Variants in FZD1 observed in about 807,000 individuals in gnomAD.
The protein encoded by FZD1 is frizzled class receptor 1.
Under a neutral mutation model 48.0 loss-of-function variants are expected in FZD1, and 22 were observed. The observed-to-expected ratio is 0.46, with a 90% CI of 0.33 to 0.65. The LOEUF (loss-of-function observed/expected upper bound fraction) is 0.65. Among genes scored for constraint, FZD1 ranks in the 30% least tolerant of loss-of-function variants. The pLI is 0.02. For synonymous variants in FZD1, 486 were observed against 409.6 expected (o/e 1.19, Z -2.25); for missense variants, 843 against 898.1 (o/e 0.94, Z 0.78).
chr7:91,265,832 T>G lies in FZD1; in HGVS notation c.952T>G (p.Phe318Val). 6.2e-7 allele frequency: 1 copy of G among 1,613,878 alleles called. No individual in the cohort carries two copies. The highest frequency in any genetic ancestry group is 8.5e-7 in the Non-Finnish European group (1 of 1,179,776). Residue 318 changes from phenylalanine to valine, a missense_variant, in exon 1 of 1, where the codon TTC becomes GTC. Around this residue, in one of 2 missense-constraint regions of FZD1, gnomAD observed 490 missense variants for 466.5 expected, o/e 1.05. Coordinates refer to ENST00000287934, the MANE Select transcript of FZD1 (RefSeq NM_003505.2). This position sits in a 1 kb window ranked among gnomAD's most constrained non-coding sequence, Gnocchi z 6.9. Reference sequence around the variant, plus strand: ...GTACTTCGGGCCCGAGGAGCTGCGCTTCTCGCGCACCTGGATTGGCATTTG... The same window carrying G: ...GTACTTCGGGCCCGAGGAGCTGCGCGTCTCGCGCACCTGGATTGGCATTTG... ...LMYFGPEELR[F>V]SRTWIGIWSV...
At position 91,265,689 on chromosome 7, in the gene FZD1, A is replaced by T. The variant is rs1803866558; in HGVS notation, c.809A>T (p.Glu270Val). Residue 270 changes from glutamate (E) to valine (V), a missense_variant, in exon 1 of 1, where the codon GAG becomes GTG. By Grantham distance (121) the Glu-to-Val change is moderately radical. Around this residue, in one of 2 missense-constraint regions of FZD1, gnomAD observed 490 missense variants for 466.5 expected, o/e 1.05. Coordinates refer to ENST00000287934, the MANE Select transcript of FZD1 (RefSeq NM_003505.2). The surrounding 1 kb of genome is among the most constrained non-coding windows in gnomAD (Gnocchi z 6.9). ...TTCCCGGGGGGCGCCGGCGCGTCGG[A>T]GCGAGGCAAGTTCTCCTGCCCGCGC... ...GGFPGGAGAS[E>V]RGKFSCPRAL... 6.3e-7 allele frequency: 1 copy of T among 1,587,984 alleles called. No individual in the cohort carries two copies. The highest frequency in any genetic ancestry group is 1.3e-5 in the African/African-American group (1 of 74,254).
rs1482927479 is a variant in FZD1, at chr7:91,268,187, C to T, written c.*1363C>T. On this transcript the variant is annotated 3_prime_UTR_variant, in exon 1 of 1. Transcript: ENST00000287934. ...TTAAAATGTAAAAGTTGTACACTTT[C>T]AACATTTTATTACGATTATTATTCA... The T allele has an allele frequency of 6.0e-6, 1 of 166,918 alleles. No individual in the cohort carries two copies. Among genetic ancestry groups the T allele is most frequent in the Non-Finnish European group, 1.5e-5 (1 of 68,106 alleles). The allele number at this position is 166,918 out of a possible 1,614,324, so 10.3% of individuals were successfully genotyped here.
At position 91,265,174 on chromosome 7, in the gene FZD1, C is replaced by G. The variant is rs1367499438; in HGVS notation, c.294C>G (p.Ser98Arg). 1 of 1,611,312 alleles carries G rather than the reference C, an allele frequency of 6.2e-7. No homozygotes were observed. The highest frequency in any genetic ancestry group is 2.2e-5 in the East Asian group (1 of 44,830). ...CGCCGCCGCCTCAGCAGCAACAGAG[C>G]GGGCAGCAGTACAACGGCGAGCGGG... is the stretch of plus-strand genomic sequence containing the variant. ...QPPPPPQQQQ[S>R]GQQYNGERGI... The change falls in exon 1 of 1, where the codon AGC becomes AGG. Residue 98 changes from serine (S) to arginine (R), a missense_variant. By Grantham distance (110) the Ser-to-Arg change is moderately radical. This residue lies in a region of FZD1 where 490 missense variants were observed against 466.5 expected (regional missense o/e 1.05). Coordinates refer to ENST00000287934, the MANE Select transcript of FZD1 (RefSeq NM_003505.2). This position sits in a 1 kb window ranked among gnomAD's most constrained non-coding sequence, Gnocchi z 6.9.
Position 91,266,581 on chromosome 7 carries a change from C to G in FZD1, c.1701C>G (p.Arg567=). 6.2e-7 allele frequency: 1 copy of G among 1,613,670 alleles called. No individual in the cohort carries two copies. Among genetic ancestry groups the G allele is most frequent in the Non-Finnish European group, 8.5e-7 (1 of 1,180,006 alleles). ...YEQAFRDQWE[R]SWVAQSCKSY... ...AGGCCTTCCGGGACCAGTGGGAACG[C>G]AGCTGGGTGGCCCAGAGCTGCAAGA... The change falls in exon 1 of 1, where the codon CGC becomes CGG. Residue 567 remains arginine (R), a synonymous_variant. Transcript: ENST00000287934. This position sits in a 1 kb window ranked among gnomAD's most constrained non-coding sequence, Gnocchi z 6.8.
chr7:91,267,956 G>C lies in FZD1; in HGVS notation c.*1132G>C, dbSNP rs1303497907. The C allele has an allele frequency of 6.0e-6, 1 of 167,000 alleles. No individual in the cohort carries two copies. Among genetic ancestry groups the C allele is most frequent in the Admixed American group, 6.5e-5 (1 of 15,274 alleles). The allele number at this position is 167,000 out of a possible 1,614,324, so 10.3% of individuals were successfully genotyped here. ...TGCCTTTGAGAATGAGACAGCCTGC[G>C]CTTAGATTTTACCGGTCTGTAAAAT... is the stretch of plus-strand genomic sequence containing the variant. On this transcript the variant is annotated 3_prime_UTR_variant, in exon 1 of 1. Transcript: ENST00000287934.
In FZD1 at chr7:91,266,003, C is replaced by A. The variant is rs755402187; in HGVS notation, c.1123C>A (p.Leu375Met). 1.9e-6 allele frequency: 3 copies of A among 1,614,180 alleles called. No homozygotes were observed. In the South Asian group the frequency reaches 3.3e-5, roughly 18 times the overall value. Residue 375 changes from leucine (L) to methionine (M), a missense_variant, in exon 1 of 1, where the codon CTG becomes ATG. Physicochemically the swap from Leu to Met is conservative, Grantham distance 15. Transcript: ENST00000287934. This position sits in a 1 kb window ranked among gnomAD's most constrained non-coding sequence, Gnocchi z 6.8. ...CGTGGCCTACATCGCCGGCTTCCTC[C>A]TGGAAGACCGAGTGGTGTGTAATGA... The part of the protein sequence containing the change: ...VAVAYIAGFL[L>M]EDRVVCNDKF...
chr7:91,265,995 G>A lies in FZD1; in HGVS notation c.1115G>A (p.Gly372Asp). ...YTAVAVAYIAGFLLEDRVVCN... is the reference protein window; with the variant it reads ...YTAVAVAYIADFLLEDRVVCN... ...GCCGTGGCCGTGGCCTACATCGCCGGCTTCCTCCTGGAAGACCGAGTGGTG... is the reference window on the plus strand; with the variant it reads ...GCCGTGGCCGTGGCCTACATCGCCGACTTCCTCCTGGAAGACCGAGTGGTG... Residue 372 changes from glycine (G) to aspartate (D), a missense_variant, in exon 1 of 1, where the codon GGC becomes GAC. Physicochemically the swap from Gly to Asp is moderately conservative, Grantham distance 94. Around this residue, in one of 2 missense-constraint regions of FZD1, gnomAD observed 353 missense variants for 431.6 expected, o/e 0.82. Coordinates refer to ENST00000287934, the MANE Select transcript of FZD1 (RefSeq NM_003505.2). The surrounding 1 kb of genome is among the most constrained non-coding windows in gnomAD (Gnocchi z 6.9). The A allele has an allele frequency of 6.2e-7, 1 of 1,614,170 alleles. No individual in the cohort carries two copies. The highest frequency in any genetic ancestry group is 8.5e-7 in the Non-Finnish European group (1 of 1,180,032).
Position 91,265,276 on chromosome 7 carries a change from C to T in FZD1, c.396C>T (p.Thr132=). ...PLCTDIAYNQ[T]IMPNLLGHTN... ...GCACGGACATCGCGTACAACCAGAC[C>T]ATCATGCCCAACCTGCTGGGCCACA... Residue 132 remains threonine, a synonymous_variant, in exon 1 of 1, where the codon ACC becomes ACT. Transcript: ENST00000287934. This position sits in a 1 kb window ranked among gnomAD's most constrained non-coding sequence, Gnocchi z 6.9. The T allele has an allele frequency of 6.2e-7, 1 of 1,614,154 alleles. No homozygotes were observed. Among genetic ancestry groups the T allele is most frequent in the Non-Finnish European group, 8.5e-7 (1 of 1,179,986 alleles).
In FZD1 at chr7:91,269,908, G is replaced by A. The variant is rs1803944912; in HGVS notation, c.*3084G>A. Reference sequence around the variant, plus strand: ...TTATTGGAGGTGTCCTTAACATGATGTAACTATAAATTTGATGCAGAAAGG... The same window carrying A: ...TTATTGGAGGTGTCCTTAACATGATATAACTATAAATTTGATGCAGAAAGG... On this transcript the variant is annotated 3_prime_UTR_variant, in exon 1 of 1. Transcript: ENST00000287934. 1.2e-5 allele frequency: 2 copies of A among 167,020 alleles called. No individual in the cohort carries two copies. The highest frequency in any genetic ancestry group is 6.5e-5 in the Admixed American group (1 of 15,280). 10.3% of individuals were successfully genotyped at this position (167,020 alleles called of 1,614,324 possible).
Position 91,266,152 on chromosome 7 carries a change from G to T in FZD1, c.1272G>T (p.Ser424=). ...MASSIWWVIL[S]LTWFLAAGMK... ...GCTCCATCTGGTGGGTGATCCTGTC[G>T]CTCACCTGGTTCCTGGCGGCTGGCA... Residue 424 remains serine, a synonymous_variant, in exon 1 of 1, where the codon TCG becomes TCT. Coordinates refer to ENST00000287934, the MANE Select transcript of FZD1 (RefSeq NM_003505.2). This position sits in a 1 kb window ranked among gnomAD's most constrained non-coding sequence, Gnocchi z 6.8. The T allele has an allele frequency of 6.2e-7, 1 of 1,614,168 alleles. No individual in the cohort carries two copies. Among genetic ancestry groups the T allele is most frequent in the Admixed American group, 1.7e-5 (1 of 60,036 alleles).
rs1405447831 is a variant in FZD1, at chr7:91,264,826, G to A, written c.-55G>A. ...CCTGGCCGCAGGGGGAGCCGCCGCC[G>A]GCCGTGCCCCTGGCAGCCCCAGCGG... On this transcript the variant is annotated 5_prime_UTR_variant, in exon 1 of 1. Transcript: ENST00000287934. 1.5e-5 allele frequency: 18 copies of A among 1,232,180 alleles called. No individual in the cohort carries two copies. Among genetic ancestry groups the A allele is most frequent in the Non-Finnish European group, 1.7e-5 (17 of 979,234 alleles). 76.3% of individuals were successfully genotyped at this position (1,232,180 alleles called of 1,614,324 possible).
chr7:91,267,062 A>G lies in FZD1; in HGVS notation c.*238A>G, dbSNP rs1584244748. 2 of 455,256 alleles carry G rather than the reference A, an allele frequency of 4.4e-6. No individual in the cohort carries two copies. Among genetic ancestry groups the G allele is most frequent in the East Asian group, 6.9e-5 (2 of 28,874 alleles). 28.2% of individuals were successfully genotyped at this position (455,256 alleles called of 1,614,324 possible). ...AGACCTCTTGCCCTCACACTCTGGT[A>G]CCAGGACTGTTCGCTTTTATGATTG... On this transcript the variant is annotated 3_prime_UTR_variant, in exon 1 of 1. Coordinates refer to ENST00000287934, the MANE Select transcript of FZD1 (RefSeq NM_003505.2).
In FZD1 at chr7:91,271,015, G is replaced by C. The variant is rs1196037912; in HGVS notation, c.*4191G>C. 6.0e-6 allele frequency: 1 copy of C among 166,922 alleles called. No individual in the cohort carries two copies. The highest frequency in any genetic ancestry group is 1.5e-5 in the Non-Finnish European group (1 of 68,106). The allele number at this position is 166,922 out of a possible 1,614,324, so 10.3% of individuals were successfully genotyped here. A position where few individuals can be genotyped will look rare whatever the true frequency, so the allele number is the denominator to read the frequency against. ...ATTGCAATACTATCTTAAATTGAAG[G>C]CTTTTATTTCAATGTCCTTACATTT... On this transcript the variant is annotated 3_prime_UTR_variant, in exon 1 of 1. Transcript: ENST00000287934.
Position 91,265,402 on chromosome 7 carries a change from G to T in FZD1, c.522G>T (p.Ala174=). The T allele has an allele frequency of 6.2e-7, 1 of 1,613,874 alleles. No individual in the cohort carries two copies. Among genetic ancestry groups the T allele is most frequent in the Non-Finnish European group, 8.5e-7 (1 of 1,179,934 alleles). The part of the protein sequence containing the change: ...ELKFFLCSMY[A]PVCTVLEQAL... ...AGTTCTTCCTGTGCTCCATGTACGC[G>T]CCCGTGTGCACCGTGCTAGAGCAGG... The change falls in exon 1 of 1, where the codon GCG becomes GCT. Residue 174 remains alanine, a synonymous_variant. Coordinates refer to ENST00000287934, the MANE Select transcript of FZD1 (RefSeq NM_003505.2). This position sits in a 1 kb window ranked among gnomAD's most constrained non-coding sequence, Gnocchi z 6.9.
rs2115569196 is a variant in FZD1, at chr7:91,270,386, G to A, written c.*3562G>A. On this transcript the variant is annotated 3_prime_UTR_variant, in exon 1 of 1. Coordinates refer to ENST00000287934, the MANE Select transcript of FZD1 (RefSeq NM_003505.2). ...GTGTCAAACACGTGCAAAAGAGCCGGGCCGGATTTTTTCAGCTTGTCCTAT... is the reference window on the plus strand; with the variant it reads ...GTGTCAAACACGTGCAAAAGAGCCGAGCCGGATTTTTTCAGCTTGTCCTAT... The A allele has an allele frequency of 6.0e-6, 1 of 167,110 alleles. No individual in the cohort carries two copies. The highest frequency in any genetic ancestry group is 1.9e-4 in the East Asian group (1 of 5,186). 10.4% of individuals were successfully genotyped at this position (167,110 alleles called of 1,614,324 possible).
In FZD1 at chr7:91,265,222, C is replaced by A. The variant is rs756113937; in HGVS notation, c.342C>A (p.Gly114=). Reference sequence around the variant, plus strand: ...GGGGCATCTCCGTCCCGGACCACGGCTATTGCCAGCCCATCTCCATCCCGC... The same window carrying A: ...GGGGCATCTCCGTCCCGGACCACGGATATTGCCAGCCCATCTCCATCCCGC... ...GERGISVPDH[G]YCQPISIPLC... is the part of the protein sequence containing the mutation. Residue 114 remains glycine, a synonymous_variant, in exon 1 of 1, where the codon GGC becomes GGA. Coordinates refer to ENST00000287934, the MANE Select transcript of FZD1 (RefSeq NM_003505.2). This position sits in a 1 kb window ranked among gnomAD's most constrained non-coding sequence, Gnocchi z 6.9. The A allele has an allele frequency of 6.2e-7, 1 of 1,614,042 alleles. No individual in the cohort carries two copies. The highest frequency in any genetic ancestry group is 8.5e-7 in the Non-Finnish European group (1 of 1,179,954).
chr7:91,266,606 A>C lies in FZD1; in HGVS notation c.1726A>C (p.Ser576Arg). The C allele has an allele frequency of 6.2e-7, 1 of 1,613,408 alleles. No individual in the cohort carries two copies. Among genetic ancestry groups the C allele is most frequent in the Non-Finnish European group, 8.5e-7 (1 of 1,179,984 alleles). The change falls in exon 1 of 1, where the codon AGC becomes CGC. Residue 576 changes from serine to arginine, a missense_variant. Physicochemically the swap from Ser to Arg is moderately radical, Grantham distance 110 (BLOSUM62 -1). This residue lies in a region of FZD1 where 353 missense variants were observed against 431.6 expected (regional missense o/e 0.82). Transcript: ENST00000287934. The surrounding 1 kb of genome is among the most constrained non-coding windows in gnomAD (Gnocchi z 6.8). ...CAGCTGGGTGGCCCAGAGCTGCAAG[A>C]GCTACGCTATCCCCTGCCCTCACCT... The part of the protein sequence containing the change: ...ERSWVAQSCK[S>R]YAIPCPHLQA...
chr7:91,268,210 T>A lies in FZD1; in HGVS notation c.*1386T>A, dbSNP rs1159103350. 1 of 167,002 alleles carries A rather than the reference T, an allele frequency of 6.0e-6. No homozygotes were observed. The highest frequency in any genetic ancestry group is 1.5e-5 in the Non-Finnish European group (1 of 68,130). 10.3% of individuals were successfully genotyped at this position (167,002 alleles called of 1,614,324 possible). On this transcript the variant is annotated 3_prime_UTR_variant, in exon 1 of 1. Transcript: ENST00000287934. Reference sequence around the variant, plus strand: ...TTCAACATTTTATTACGATTATTATTCAGCAGCACATTCTGAGGGGGGAAC... The same window carrying A: ...TTCAACATTTTATTACGATTATTATACAGCAGCACATTCTGAGGGGGGAAC...
At position 91,265,342 on chromosome 7, in the gene FZD1, C is replaced by T; in HGVS notation, c.462C>T (p.Tyr154=). The change falls in exon 1 of 1, where the codon TAC becomes TAT. Residue 154 remains tyrosine, a synonymous_variant. Transcript: ENST00000287934. The surrounding 1 kb of genome is among the most constrained non-coding windows in gnomAD (Gnocchi z 6.9). The stretch of plus-strand genomic sequence containing the variant: ...CGGGCCTGGAGGTGCACCAGTTCTA[C>T]CCTCTAGTGAAAGTGCAGTGTTCCG... ...EDAGLEVHQF[Y]PLVKVQCSAE... The T allele has an allele frequency of 6.2e-7, 1 of 1,614,120 alleles. No homozygotes were observed.
Sources: allele counts gnomAD v4.1 joint callset, GRCh38; gene constraint gnomAD v4.1.1; regional missense constraint gnomAD v4.1.1; non-coding constraint Gnocchi (gnomAD v3.1); transcripts MANE v1.5; gene names NCBI Gene and HGNC (gene_info 2026-07-23, HGNC 2026-07-21).